The following SLC12A8 variants were observed in gnomAD, a reference collection of about 807,000 sequenced individuals.
SLC12A8 encodes the protein cation-chloride cotransporter 9.
SLC12A8 carries 69 observed loss-of-function variants against 75.6 expected under a neutral mutation model. That is an observed-to-expected ratio of 0.91 (90% CI 0.75 to 1.11). The LOEUF (loss-of-function observed/expected upper bound fraction) is 1.11, where lower values mean the gene tolerates loss of function less well. SLC12A8 is among the 50% of genes most tolerant of loss of function. The probability of loss-of-function intolerance (pLI) is 0.00; values close to 1 mark genes in which losing one functional copy is unlikely to be tolerated. For synonymous variants in SLC12A8, 365 were observed against 372.8 expected (o/e 0.98, Z 0.24); for missense variants, 877 against 896.7 (o/e 0.98, Z 0.28).
chr3:125,106,840 T>G (rs1041308013), intron 10 of SLC12A8, among the ~76,000 whole-genome samples: 3 of 152,216 alleles, frequency 2.0e-5, no homozygotes, highest in African/African-American at 7.2e-5. Flanking sequence ...TGTGACCTCA[T>G]GTGGACACAA....
chr3:125,179,055 C>T (rs1934596809), intron 4 of SLC12A8, among the ~76,000 whole-genome samples: 1 of 152,172 alleles, frequency 6.6e-6, no homozygotes, highest in African/African-American at 2.4e-5. Flanking sequence ...GCCTTCTTCT[C>T]TCCTCAGGTT....
chr3:125,182,015 T>C (rs1415582621), intron 4 of SLC12A8, among the ~76,000 whole-genome samples: 6 of 152,052 alleles, frequency 3.9e-5, no homozygotes, highest in Admixed American at 6.6e-5. Flanking sequence ...GGCAAAACCT[T>C]GTCTCTACAA....
intron 8 of SLC12A8, among the ~76,000 whole-genome samples, chr3:125,115,884 A>G (rs1438171250): frequency 2.0e-5 from 3 of 152,160 alleles, no homozygotes; most frequent in Non-Finnish European, 2.9e-5. Flanking sequence ...GCCGGCTCAG[A>G]ACTGAAGCCA....
rs1391341351 is a variant in SLC12A8, at chr3:125,123,497, C to T, written c.737-2811G>A. On this transcript the variant is annotated intron_variant, in intron 6 of 13. Coordinates refer to ENST00000469902, the MANE Select transcript of SLC12A8 (RefSeq NM_024628.6). ...CATGGTGGTACACACATCCCAGCTA[C>T]TCAGGAGGCTAAGGCAGCTTTAATT... 6 of 152,268 alleles carry T rather than the reference C, an allele frequency of 3.9e-5. No homozygotes were observed. In the East Asian group the frequency reaches 7.7e-4, roughly 20 times the overall value. The allele number at this position is 152,268 out of a possible 1,614,324, so 9.4% of individuals were successfully genotyped here.
chr3:125,173,462 A>G (rs1934451007), intron 5 of SLC12A8, among the ~76,000 whole-genome samples: 1 of 151,090 alleles, frequency 6.6e-6, no homozygotes, highest in African/African-American at 2.4e-5. Flanking sequence ...CAAAAAAAAA[A>G]AAAAAAAAAA....
At chr3:125,099,209 G>A (rs1374891314) in intron 10 of SLC12A8, among the ~76,000 whole-genome samples, 1 of 152,054 alleles carries the variant, frequency 6.6e-6, no homozygotes, top group Non-Finnish European at 1.5e-5. Flanking sequence ...CAACTCCTAG[G>A]AAGCAAGGCT....
At chr3:125,103,786 C>T (rs1037889284) in intron 10 of SLC12A8, among the ~76,000 whole-genome samples, 2 of 152,154 alleles carry the variant, frequency 1.3e-5, no homozygotes, top group Non-Finnish European at 2.9e-5. Context: ...GCATGTGCCA[C>T]TATACCCCCA....
intron 8 of SLC12A8, 184 bp from the exon 9 acceptor site, chr3:125,110,519 A>C (rs906611516): frequency 6.9e-5 from 36 of 524,696 alleles, no homozygotes; most frequent in Non-Finnish European, 1.1e-4. Context: ...AGCTGAATCC[A>C]CCACCACATT....
chr3:125,116,214 A>C (rs995396858), intron 8 of SLC12A8, among the ~76,000 whole-genome samples: 1 of 152,226 alleles, frequency 6.6e-6, no homozygotes, highest in Non-Finnish European at 1.5e-5. Flanking sequence ...TTTTGAAGTC[A>C]TCAGGGTCGG....
chr3:125,185,346 A>C (rs563518498), intron 4 of SLC12A8, among the ~76,000 whole-genome samples: 3 of 151,158 alleles, frequency 2.0e-5, no homozygotes, highest in Non-Finnish European at 4.4e-5. Flanking sequence ...AAAACAAAAC[A>C]AAATTCCCAG....
At chr3:125,190,300 TG>T (rs1251035204) in intron 3 of SLC12A8, 74 bp downstream of exon 3, 20 of 1,536,850 alleles carry the variant, frequency 1.3e-5, no homozygotes, top group Non-Finnish European at 1.7e-5. Context: ...TGGCCTGCAC[TG>T]TAGAATGCAA....
At chr3:125,134,358 C>T (rs1303926393) in intron 6 of SLC12A8, among the ~76,000 whole-genome samples, 2 of 151,800 alleles carry the variant, frequency 1.3e-5, no homozygotes, top group Admixed American at 1.3e-4. Context: ...GATCCACCTG[C>T]CTTGGCCTCC....
intron 5 of SLC12A8, among the ~76,000 whole-genome samples, chr3:125,163,598 C>A (rs76490903): frequency 4.0e-4 from 56 of 140,524 alleles, no homozygotes; most frequent in Admixed American, 7.8e-4. Context: ...GACTCTGTCT[C>A]AAAAAAAAAA....
At chr3:125,132,458 A>G (rs1933383399) in intron 6 of SLC12A8, among the ~76,000 whole-genome samples, 1 of 152,184 alleles carries the variant, frequency 6.6e-6, no homozygotes, top group Non-Finnish European at 1.5e-5. Flanking sequence ...CATAAGGAGA[A>G]GTAGAGAGAA....
chr3:125,092,516 G>A (rs1304012199), intron 10 of SLC12A8, among the ~76,000 whole-genome samples: 1 of 152,102 alleles, frequency 6.6e-6, no homozygotes, highest in Non-Finnish European at 1.5e-5. Context: ...TGTTAGAGTG[G>A]GAGAACTAGA....
intron 5 of SLC12A8, among the ~76,000 whole-genome samples, chr3:125,143,615 G>T (rs1392665531): frequency 6.6e-6 from 1 of 152,266 alleles, no homozygotes; most frequent in Non-Finnish European, 1.5e-5. Flanking sequence ...CTGAAGTGGG[G>T]CTTGACCTGC....
In SLC12A8 at chr3:125,107,837, A is replaced by C; in HGVS notation, c.1349T>G (p.Val450Gly). 1.9e-6 allele frequency: 3 copies of C among 1,613,614 alleles called. No individual in the cohort carries two copies. Among genetic ancestry groups the C allele is most frequent in the Non-Finnish European group, 2.5e-6 (3 of 1,179,954 alleles). ...SYGSEGPAQR[V>G]LEGTLLEFTK... ...GAATTCCAGTAGCGTGCCCTCCAAG[A>C]CTCTTTGGGCAGGTCCCTCAGAGCC... The change falls in exon 10 of 14, where the codon GTC becomes GGC. Residue 450 changes from valine to glycine, a missense_variant. Transcript: ENST00000469902.
rs777421079 is a variant in SLC12A8, at chr3:125,135,651, G to C, written c.736+18C>G. 2.0e-6 allele frequency: 3 copies of C among 1,528,030 alleles called. No individual in the cohort carries two copies. The highest frequency in any genetic ancestry group is 4.0e-5 in the Admixed American group (2 of 50,292). 94.7% of individuals were successfully genotyped at this position (1,528,030 alleles called of 1,614,324 possible). A position where few individuals can be genotyped will look rare whatever the true frequency, so the allele number is the denominator to read the frequency against. On this transcript the variant is annotated intron_variant, in intron 6 of 13. Transcript: ENST00000469902. ...ATACCCCTAATTTGAGAGTAAAAAA[G>C]AACCCAGATTACAATACCTGTAGCC...
intron 10 of SLC12A8, among the ~76,000 whole-genome samples, chr3:125,095,864 A>G (rs1283409398): frequency 6.6e-6 from 1 of 152,134 alleles, no homozygotes; most frequent in Non-Finnish European, 1.5e-5. Context: ...TGTTTAGCCT[A>G]CCCTAATTAA....
Sources: gnomAD v4.1 joint callset for allele counts (sites outside exome capture counted in the v4.1 genomes callset) on GRCh38, gnomAD v4.1.1 for gene constraint, MANE v1.5 for transcripts, NCBI Gene and HGNC (gene_info 2026-07-23, HGNC 2026-07-21) for gene names.